MAP4: variants seen among roughly 807,000 people sequenced by gnomAD.
The protein encoded by MAP4 is microtubule-associated protein 4.
MAP4 carries 76 observed loss-of-function variants against 170.2 expected under a neutral mutation model. That is an observed-to-expected ratio of 0.45 (90% CI 0.37 to 0.54). The LOEUF (loss-of-function observed/expected upper bound fraction) is 0.54. Among genes scored for constraint, MAP4 ranks in the 20% least tolerant of loss-of-function variants. MAP4 has a pLI of 0.00. For missense variants in MAP4, 2,506 were observed against 2,748.0 expected (o/e 0.91, Z 1.97); for synonymous variants, 909 against 994.5 (o/e 0.91, Z 1.62).
chr3:48,014,034 T>C (rs935178991), intron 1 of MAP4, among the ~76,000 whole-genome samples: 1 of 152,184 alleles, frequency 6.6e-6, no homozygotes, highest in Non-Finnish European at 1.5e-5. Flanking sequence ...GGCATGATGA[T>C]AAAATACTCT....
At chr3:47,923,393 T>C (rs926212746) in intron 4 of MAP4, among the ~76,000 whole-genome samples, 1 of 149,794 alleles carries the variant, frequency 6.7e-6, no homozygotes, top group Non-Finnish European at 1.5e-5. Context: ...CAGAAGGCAA[T>C]ATTGGGAAAC....
At chr3:48,038,708 C>A (rs1342119623) in intron 1 of MAP4, among the ~76,000 whole-genome samples, 6 of 152,204 alleles carry the variant, frequency 3.9e-5, no homozygotes, top group African/African-American at 1.4e-4. Context: ...GATCCGCCCG[C>A]CTCGGCCTCC....
chr3:48,080,441 C>T (rs993910041), intron 1 of MAP4, among the ~76,000 whole-genome samples: 15 of 152,090 alleles, frequency 9.9e-5, no homozygotes, highest in Non-Finnish European at 2.1e-4. Flanking sequence ...AGCTAAATAC[C>T]AGGAACTTCT....
At position 47,911,190 on chromosome 3, in the gene MAP4, C is replaced by T; in HGVS notation, c.3231G>A (p.Lys1077=). The T allele has an allele frequency of 6.5e-7, 1 of 1,536,092 alleles. No individual in the cohort carries two copies. Among genetic ancestry groups the T allele is most frequent in the Non-Finnish European group, 8.7e-7 (1 of 1,146,914 alleles). Residue 1077 remains lysine, a synonymous_variant, in exon 9 of 21, where the codon AAG becomes AAA. Coordinates refer to ENST00000683076, the MANE Select transcript of MAP4 (RefSeq NM_001385682.1). This position sits in a 1 kb window ranked among gnomAD's most constrained non-coding sequence, Gnocchi z 4.0. ...SSGKMRTDSG[K]VKAKSELPFL... ...ATGGCAGCTCAGATTTTGCTTTTACCTTCCCAGAATCTGTTCTCATTTTCC... is the reference window on the plus strand; with the variant it reads ...ATGGCAGCTCAGATTTTGCTTTTACTTTCCCAGAATCTGTTCTCATTTTCC...
intron 3 of MAP4, among the ~76,000 whole-genome samples, chr3:47,955,480 A>T (rs887069699): frequency 1.4e-4 from 20 of 140,988 alleles, no homozygotes; most frequent in African/African-American, 4.6e-4. Context: ...ACACACACAC[A>T]CTAGTCAACT....
chr3:47,931,536 G>A (rs1036758094), intron 3 of MAP4, among the ~76,000 whole-genome samples: 19 of 151,888 alleles, frequency 1.3e-4, no homozygotes, highest in African/African-American at 3.9e-4. Context: ...GGAATGCAGC[G>A]GTGTGGATCA....
At chr3:47,867,980 C>T (rs991056831) in intron 16 of MAP4, among the ~76,000 whole-genome samples, 1 of 152,222 alleles carries the variant, frequency 6.6e-6, no homozygotes, top group African/African-American at 2.4e-5. Context: ...GCCCATTTGT[C>T]TCAGGGCTCG....
At chr3:47,934,264 A>C (rs1185944959) in intron 3 of MAP4, among the ~76,000 whole-genome samples, 1 of 152,116 alleles carries the variant, frequency 6.6e-6, no homozygotes, top group African/African-American at 2.4e-5. Context: ...TTCCCCAGTC[A>C]AATTTCTACC....
At chr3:47,860,422 G>A (rs2063695428) in intron 17 of MAP4, among the ~76,000 whole-genome samples, 1 of 152,222 alleles carries the variant, frequency 6.6e-6, no homozygotes, top group Non-Finnish European at 1.5e-5. Context: ...TCGAATTTCT[G>A]GGCTGAAGCA....
intron 17 of MAP4, among the ~76,000 whole-genome samples, chr3:47,858,283 A>C (rs2059881423): frequency 6.6e-6 from 1 of 150,520 alleles, no homozygotes; most frequent in Admixed American, 6.6e-5. Context: ...AAAGTGCTGG[A>C]ATTACAGGTG....
At chr3:48,087,821 CGA>C (rs1310918068) in intron 1 of MAP4, among the ~76,000 whole-genome samples, 1 of 151,532 alleles carries the variant, frequency 6.6e-6, no homozygotes, top group African/African-American at 2.4e-5. Context: ...GAGAGAGAAT[CGA>C]GAGGCCCTGG....
intron 17 of MAP4, among the ~76,000 whole-genome samples, chr3:47,863,913 TGG>T (rs1047264109): frequency 6.1e-5 from 8 of 131,622 alleles, no homozygotes; most frequent in Admixed American, 7.5e-5. Context: ...TGTGTGTGTG[TGG>T]GTGTGGGTGT....
intron 1 of MAP4, among the ~76,000 whole-genome samples, chr3:48,063,315 A>G (rs1238832072): frequency 6.6e-6 from 1 of 152,030 alleles, no homozygotes; most frequent in Non-Finnish European, 1.5e-5. Flanking sequence ...AATCACCTAT[A>G]GTCCCAGCTA....
At chr3:47,995,594 T>A (rs2100095044) in intron 2 of MAP4, among the ~76,000 whole-genome samples, 1 of 152,144 alleles carries the variant, frequency 6.6e-6, no homozygotes, top group Admixed American at 6.6e-5. Flanking sequence ...TCTCGGTACT[T>A]TTTTAAATGA....
At chr3:47,945,366 A>T (rs997864244) in intron 3 of MAP4, among the ~76,000 whole-genome samples, 40 of 152,078 alleles carry the variant, frequency 2.6e-4, no homozygotes, top group Admixed American at 1.6e-3. Flanking sequence ...ATAGGTTCTC[A>T]TAATGTATGC....
chr3:47,934,861 T>C (rs2100051826), intron 3 of MAP4, among the ~76,000 whole-genome samples: 1 of 152,232 alleles, frequency 6.6e-6, no homozygotes, highest in Non-Finnish European at 1.5e-5. Context: ...CTCCAGGCAT[T>C]AGTGATTCAG....
intron 1 of MAP4, chr3:48,013,354 T>C (rs1422942766): frequency 6.6e-5 from 10 of 152,210 alleles, no homozygotes; most frequent in African/African-American, 2.4e-4. Context: ...ATTCCTCTTC[T>C]ATCCATACAG....
chr3:47,861,578 C>G (rs2150813972), intron 17 of MAP4, among the ~76,000 whole-genome samples: 1 of 151,584 alleles, frequency 6.6e-6, no homozygotes, highest in East Asian at 2.0e-4. Context: ...GTCTAGAACT[C>G]CTGACCTTGT....
intron 1 of MAP4, among the ~76,000 whole-genome samples, chr3:48,057,878 A>T (rs1011890969): frequency 6.6e-6 from 1 of 152,158 alleles, no homozygotes; most frequent in Non-Finnish European, 1.5e-5. Flanking sequence ...AATTGAATGT[A>T]AATCTATAAT....
Sources: gnomAD v4.1 joint callset for allele counts (sites outside exome capture counted in the v4.1 genomes callset) on GRCh38, gnomAD v4.1.1 for gene constraint, Gnocchi (gnomAD v3.1) non-coding constraint, MANE v1.5 for transcripts, NCBI Gene and HGNC (gene_info 2026-07-23, HGNC 2026-07-21) for gene names.